ABLIM2: variants seen among roughly 807,000 people sequenced by gnomAD.
The protein encoded by ABLIM2 is actin-binding LIM protein 2.
A neutral mutation model predicts 97.7 loss-of-function variants in ABLIM2; 53 were observed. The observed-to-expected ratio is 0.54, with a 90% CI of 0.44 to 0.68. The LOEUF is 0.68. Ranked by LOEUF, ABLIM2 falls within the 30% of genes least tolerant of loss-of-function variation. ABLIM2 has a pLI of 0.00. For synonymous variants in ABLIM2, 361 were observed against 345.8 expected, an observed-to-expected ratio of 1.04 and a Z score of -0.49; for missense variants, 835 against 867.2, an observed-to-expected ratio of 0.96 and a Z score of 0.47.
chr4:7,969,734 C>CTCTG, intron 20 of ABLIM2, among the ~76,000 whole-genome samples: 1 of 17,984 alleles, frequency 5.6e-5, no homozygotes, highest in Non-Finnish European at 1.2e-4. Flanking sequence ...CTCTCTGACA[C>CTCTG]ACACACACAC....
At position 8,087,750 on chromosome 4, in the gene ABLIM2, G is replaced by A. The variant is rs374498988; in HGVS notation, c.454+419C>T. Among the ~76,000 whole-genome samples the A allele has an allele frequency of 1.3e-5, 2 of 151,376 alleles. No homozygotes were observed. The highest frequency in any genetic ancestry group is 2.4e-5 in the African/African-American group (1 of 41,176). On this transcript the variant is annotated intron_variant, in intron 4 of 20. Transcript: ENST00000447017. The surrounding 1 kb of genome is among the most constrained non-coding windows in gnomAD (Gnocchi z 4.6). The stretch of plus-strand genomic sequence containing the variant: ...ACATTAGATGGGAAAGCAGCAGTGG[G>A]CATTAGATGGGAAAGCAGCAGTGGG...
rs993807110 is a variant in ABLIM2 at position 8,127,683 on chromosome 4, G to C, written c.11-21046C>G. 7.9e-7 allele frequency: 1 copy of C among 1,261,568 alleles called. No homozygotes were observed. Among genetic ancestry groups the C allele is most frequent in the African/African-American group, 1.5e-5 (1 of 65,386 alleles). The allele number at this position is 1,261,568 out of a possible 1,614,324, so 78.1% of individuals were successfully genotyped here. On this transcript the variant is annotated intron_variant, in intron 1 of 20. Coordinates refer to ENST00000447017, the MANE Select transcript of ABLIM2 (RefSeq NM_001130083.2). This position sits in a 1 kb window ranked among gnomAD's most constrained non-coding sequence, Gnocchi z 7.3. ...AGTGGACCGGGGAAGAGCCTCTGTG[G>C]CCCACAGGGCTCCCACAAGGTCACG...
rs1821182479 is a variant in ABLIM2, at chr4:8,083,381, T to C, written c.455-2579A>G. On this transcript the variant is annotated intron_variant, in intron 4 of 20. Coordinates refer to ENST00000447017, the MANE Select transcript of ABLIM2 (RefSeq NM_001130083.2). The surrounding 1 kb of genome is among the most constrained non-coding windows in gnomAD (Gnocchi z 4.6). ...CCACCTCTGCTCTCACTGCCACTGC[T>C]GTTGTTGCCAGGTGGTCCCCTCACG... Among the ~76,000 whole-genome samples the C allele has an allele frequency of 6.6e-6, 1 of 152,220 alleles. No individual in the cohort carries two copies. Among genetic ancestry groups the C allele is most frequent in the Non-Finnish European group, 1.5e-5 (1 of 68,036 alleles).
intron 3 of ABLIM2, among the ~76,000 whole-genome samples, chr4:8,096,090 C>CA: frequency 6.6e-6 from 1 of 152,260 alleles, no homozygotes; most frequent in Admixed American, 6.5e-5. Flanking sequence ...CCCCTTGGGT[C>CA]TCTCCCCCAA....
chr4:8,066,490 G>A (rs1329254311), intron 6 of ABLIM2: 1 of 152,024 alleles, frequency 6.6e-6, no homozygotes, highest in Non-Finnish European at 1.5e-5. Flanking sequence ...CTATATAACA[G>A]CGAAAGGATA....
In ABLIM2 at chr4:7,965,750, C is replaced by T. The variant is rs1722724269; in HGVS notation, c.*1240G>A. 6.6e-6 allele frequency: 1 copy of T among 152,286 alleles called. No homozygotes were observed. Among genetic ancestry groups the T allele is most frequent in the South Asian group, 2.1e-4 (1 of 4,826 alleles). The allele number at this position is 152,286 out of a possible 1,614,324, so 9.4% of individuals were successfully genotyped here. On this transcript the variant is annotated 3_prime_UTR_variant, in exon 21 of 21. Transcript: ENST00000447017. ...CGGCCAGCCTCCTGCTCCGGGATGCCCTGCTGGCTTCAAAGATGAGAAGAG... is the reference window on the plus strand; with the variant it reads ...CGGCCAGCCTCCTGCTCCGGGATGCTCTGCTGGCTTCAAAGATGAGAAGAG...
In ABLIM2 at chr4:8,097,098, C is replaced by T; in HGVS notation, c.338+1G>A. 1.2e-6 allele frequency: 2 copies of T among 1,602,884 alleles called. No homozygotes were observed. The highest frequency in any genetic ancestry group is 1.7e-6 in the Non-Finnish European group (2 of 1,173,628). On this transcript the variant is annotated splice_donor_variant, in intron 3 of 20. Coordinates refer to ENST00000447017, the MANE Select transcript of ABLIM2 (RefSeq NM_001130083.2). LOFTEE classifies it high-confidence loss of function. ...CAGAGGCCAGGTGCCCACTTACTCA[C>T]CGGCAGACGGCACACACGAAGCAGT...
chr4:8,104,921 C>T (rs780163627), intron 2 of ABLIM2, among the ~76,000 whole-genome samples: 8 of 152,186 alleles, frequency 5.3e-5, no homozygotes, highest in African/African-American at 7.2e-5. Context: ...GTCTGCACTC[C>T]GATGGGCAGC....
At chr4:8,154,635 G>A (rs895189771) in intron 1 of ABLIM2, among the ~76,000 whole-genome samples, 1 of 152,320 alleles carries the variant, frequency 6.6e-6, no homozygotes, top group African/African-American at 2.4e-5. Flanking sequence ...CTTTACATAT[G>A]TAGTTAATTC....
At chr4:7,989,435 A>G (rs1049792093) in intron 17 of ABLIM2, 3 of 985,284 alleles carry the variant, frequency 3.0e-6, no homozygotes, top group Non-Finnish European at 3.6e-6. Flanking sequence ...CTTGTATTTA[A>G]TCAAGGTGTC....
intron 16 of ABLIM2, among the ~76,000 whole-genome samples, 175 bp from the exon 17 acceptor site, chr4:7,993,102 C>T (rs1429421055): frequency 2.6e-5 from 4 of 152,162 alleles, no homozygotes; most frequent in Non-Finnish European, 5.9e-5. Context: ...GGGCGCTGAC[C>T]GAGGAGGAAG....
chr4:8,016,762 T>C (rs1024470856), intron 14 of ABLIM2, among the ~76,000 whole-genome samples: 7 of 152,148 alleles, frequency 4.6e-5, no homozygotes, highest in African/African-American at 1.4e-4. Flanking sequence ...TAAGATGCTC[T>C]CCACAGAACA....
In ABLIM2 at chr4:8,120,307, C is replaced by T. The variant is rs1034082868; in HGVS notation, c.11-13670G>A. On this transcript the variant is annotated intron_variant, in intron 1 of 20. Transcript: ENST00000447017. This position sits in a 1 kb window ranked among gnomAD's most constrained non-coding sequence, Gnocchi z 5.6. ...CCGGACCTCGGCAAGTGACTGTGTT[C>T]GGAGACGGGGCCTTCAAAGGTGTCG... is the stretch of plus-strand genomic sequence containing the variant. 3.3e-5 allele frequency among the ~76,000 whole-genome samples: 5 copies of T among 152,242 alleles called. No homozygotes were observed. The highest frequency in any genetic ancestry group is 3.4e-3 in the Middle Eastern group (1 of 294).
intron 16 of ABLIM2, among the ~76,000 whole-genome samples, chr4:8,006,599 C>T (rs964599505): frequency 1.2e-4 from 19 of 152,338 alleles, no homozygotes; most frequent in African/African-American, 3.6e-4. Flanking sequence ...CTAAACACAA[C>T]GGCATCTGAC....
At position 8,046,683 on chromosome 4, in the gene ABLIM2, G is replaced by A. The variant is rs376483417; in HGVS notation, c.823-1442C>T. On this transcript the variant is annotated intron_variant, in intron 8 of 20. Coordinates refer to ENST00000447017, the MANE Select transcript of ABLIM2 (RefSeq NM_001130083.2). This position sits in a 1 kb window ranked among gnomAD's most constrained non-coding sequence, Gnocchi z 4.4. ...CCTGCAGCCCAGGAGGCACCACAGT[G>A]GATGGGCTGATCTGTGTCCACATTC... 1.3e-5 allele frequency among the ~76,000 whole-genome samples: 2 copies of A among 152,222 alleles called. No individual in the cohort carries two copies. The highest frequency in any genetic ancestry group is 1.9e-4 in the East Asian group (1 of 5,204).
At chr4:8,153,577 C>T (rs556831664) in intron 1 of ABLIM2, among the ~76,000 whole-genome samples, 36 of 152,202 alleles carry the variant, frequency 2.4e-4, no homozygotes, top group Non-Finnish European at 4.9e-4. Context: ...CAGGGAAAAT[C>T]TGCAGCAGTG....
chr4:7,992,155 G>A lies in ABLIM2; in HGVS notation c.1680+711C>T, dbSNP rs1187520244. ...AAGGATCCTCACTGGGGACCCCTGT[G>A]ACGCTGTGGGCAGAGGAACAAACAT... On this transcript the variant is annotated intron_variant, in intron 17 of 20. Transcript: ENST00000447017. This position sits in a 1 kb window ranked among gnomAD's most constrained non-coding sequence, Gnocchi z 5.7. Among the ~76,000 whole-genome samples, 1 of 151,994 alleles carries A rather than the reference G, an allele frequency of 6.6e-6. No individual in the cohort carries two copies. Among genetic ancestry groups the A allele is most frequent in the Non-Finnish European group, 1.5e-5 (1 of 67,984 alleles).
At chr4:8,041,117 A>G (rs1788173960) in intron 9 of ABLIM2, among the ~76,000 whole-genome samples, 1 of 152,242 alleles carries the variant, frequency 6.6e-6, no homozygotes, top group Non-Finnish European at 1.5e-5. Flanking sequence ...AGTCCATCAA[A>G]GCTGAGACAC....
chr4:8,064,510 G>A (rs898241012), intron 6 of ABLIM2, among the ~76,000 whole-genome samples: 5 of 152,176 alleles, frequency 3.3e-5, no homozygotes, highest in East Asian at 1.9e-4. Flanking sequence ...CCCCCTTCAC[G>A]CTGGACTTCA....
Sources: allele counts gnomAD v4.1 joint callset (sites outside exome capture counted in the v4.1 genomes callset), GRCh38; gene constraint gnomAD v4.1.1; non-coding constraint Gnocchi (gnomAD v3.1); transcripts MANE v1.5; gene names NCBI Gene and HGNC (gene_info 2026-07-23, HGNC 2026-07-21).